Variants in NCKAP5 observed in about 807,000 individuals in gnomAD.
NCKAP5 encodes the protein nck-associated protein 5.
Under a neutral mutation model 167.0 loss-of-function variants are expected in NCKAP5, and 92 were observed. That is an observed-to-expected ratio of 0.55 (90% CI 0.47 to 0.66). The LOEUF (loss-of-function observed/expected upper bound fraction) is 0.66, where lower values mean the gene tolerates loss of function less well. Ranked by LOEUF, NCKAP5 falls within the 30% of genes least tolerant of loss-of-function variation. NCKAP5 has a pLI of 0.00. For missense variants in NCKAP5, 2,378 were observed against 2,315.0 expected (o/e 1.03, Z -0.56); for synonymous variants, 891 against 877.4 (o/e 1.02, Z -0.27).
intron 3 of NCKAP5, among the ~76,000 whole-genome samples, chr2:133,424,935 T>A (rs1689699941): frequency 6.6e-6 from 1 of 152,144 alleles, no homozygotes; most frequent in Admixed American, 6.5e-5. Context: ...ACAAAAAAAA[T>A]GAAAGGCATT....
chr2:133,396,271 G>C (rs1687725417), intron 3 of NCKAP5, among the ~76,000 whole-genome samples: 1 of 152,066 alleles, frequency 6.6e-6, no homozygotes, highest in South Asian at 2.1e-4. Flanking sequence ...AAATCTCAAT[G>C]AACAAAGTGG....
chr2:133,104,254 A>C (rs1224251287), intron 6 of NCKAP5, among the ~76,000 whole-genome samples: 1 of 152,236 alleles, frequency 6.6e-6, no homozygotes, highest in East Asian at 1.9e-4. Context: ...TGTGGCTACA[A>C]ATCAACCAGA....
intron 4 of NCKAP5, among the ~76,000 whole-genome samples, chr2:133,267,009 A>C (rs1252784765): frequency 6.6e-6 from 1 of 150,916 alleles, no homozygotes; most frequent in African/African-American, 2.4e-5. Context: ...TGTCAAATCC[A>C]GCCCATCTGC....
chr2:133,434,019 T>A (rs1300754244), intron 3 of NCKAP5: 1 of 152,188 alleles, frequency 6.6e-6, no homozygotes, highest in Non-Finnish European at 1.5e-5. Flanking sequence ...AAGTTTGGTA[T>A]TATTGTGTAA....
chr2:133,552,639 A>C (rs1687428486), intron 2 of NCKAP5, among the ~76,000 whole-genome samples: 2 of 142,802 alleles, frequency 1.4e-5, no homozygotes, highest in African/African-American at 2.6e-5. Context: ...AGATATACCT[A>C]ATGCTAGATG....
At chr2:132,688,985 C>CAA (rs34015551) in intron 19 of NCKAP5, among the ~76,000 whole-genome samples, 4,779 of 65,778 alleles carry the variant, frequency 0.073, 319 homozygotes, top group East Asian at 0.13. Flanking sequence ...GACACCAACT[C>CAA]AAAAAAAAAA....
chr2:132,895,116 G>A (rs924997448), intron 8 of NCKAP5, among the ~76,000 whole-genome samples: 8 of 152,004 alleles, frequency 5.3e-5, no homozygotes, highest in South Asian at 4.2e-4. Flanking sequence ...CGGATCACAA[G>A]GTCAGGAGAT....
At chr2:132,703,521 G>C (rs1476362208) in intron 19 of NCKAP5, among the ~76,000 whole-genome samples, 1 of 152,154 alleles carries the variant, frequency 6.6e-6, no homozygotes, top group Non-Finnish European at 1.5e-5. Flanking sequence ...ATGAAGATTT[G>C]CTCCCTTTAA....
At chr2:132,991,942 G>C (rs2077460903) in intron 7 of NCKAP5, among the ~76,000 whole-genome samples, 1 of 152,180 alleles carries the variant, frequency 6.6e-6, no homozygotes, top group African/African-American at 2.4e-5. Context: ...TAGAAAAATA[G>C]AATTTGTGAG....
At chr2:133,661,149 G>T in the NCKAP5 span, among the ~76,000 whole-genome samples, 3 of 152,132 alleles carry the variant, frequency 2.0e-5, no homozygotes, top group Non-Finnish European at 4.4e-5. Flanking sequence ...GAGAAATGAC[G>T]AGGATTGATG....
At chr2:132,885,794 T>C (rs948229231) in intron 8 of NCKAP5, among the ~76,000 whole-genome samples, 1 of 152,234 alleles carries the variant, frequency 6.6e-6, no homozygotes, top group Non-Finnish European at 1.5e-5. Context: ...AAGTATGTAT[T>C]ATGTTTAAAA....
At chr2:132,701,837 C>T (rs2105248093) in intron 19 of NCKAP5, among the ~76,000 whole-genome samples, 1 of 152,238 alleles carries the variant, frequency 6.6e-6, no homozygotes, top group South Asian at 2.1e-4. Context: ...CTTTGGTCCT[C>T]AATTTAAAAA....
intron 3 of NCKAP5, among the ~76,000 whole-genome samples, chr2:133,316,093 T>C (rs1301291955): frequency 2.6e-5 from 4 of 152,166 alleles, no homozygotes; most frequent in South Asian, 2.1e-4. Context: ...TGTAGGAGGA[T>C]GTTGCCAGTT....
chr2:132,848,556 G>T (rs1028677970), intron 11 of NCKAP5, among the ~76,000 whole-genome samples: 1 of 152,098 alleles, frequency 6.6e-6, no homozygotes, highest in Non-Finnish European at 1.5e-5. Context: ...TTGAAATTCT[G>T]ATTTCTTCAC....
chr2:132,789,007 T>C (rs1034733321), intron 13 of NCKAP5, among the ~76,000 whole-genome samples: 2 of 152,156 alleles, frequency 1.3e-5, no homozygotes, highest in African/African-American at 4.8e-5. Flanking sequence ...CAGAGCCCTA[T>C]TAAGGATCCA....
chr2:133,321,201 C>T (rs757110039), intron 3 of NCKAP5, among the ~76,000 whole-genome samples: 6 of 152,170 alleles, frequency 3.9e-5, no homozygotes, highest in Non-Finnish European at 8.8e-5. Flanking sequence ...AGATCGGAGC[C>T]TCAAAGATAC....
chr2:133,055,540 G>A (rs1353771119), intron 6 of NCKAP5, among the ~76,000 whole-genome samples: 4 of 149,908 alleles, frequency 2.7e-5, no homozygotes, highest in African/African-American at 9.9e-5. Context: ...ACTAATACCA[G>A]GAAAGAATAA....
Position 132,925,757 on chromosome 2 carries a change from A to G in NCKAP5, c.579+37963T>C, listed in dbSNP as rs148962256. ...GGACCCCTGTTTTGGGGGATAGTTA[A>G]TTCTAGTCTAAAATTCATCTTCAAT... On this transcript the variant is annotated intron_variant, in intron 8 of 19. Coordinates refer to ENST00000409261, the MANE Select transcript of NCKAP5 (RefSeq NM_207363.3). 3.1e-3 allele frequency among the ~76,000 whole-genome samples: 466 copies of G among 152,172 alleles called. 5 individuals carry two copies. The highest frequency in any genetic ancestry group is 0.01 in the African/African-American group (425 of 41,518).
chr2:133,335,283 T>A (rs1683138604), intron 3 of NCKAP5, among the ~76,000 whole-genome samples: 1 of 152,124 alleles, frequency 6.6e-6, no homozygotes, highest in African/African-American at 2.4e-5. Context: ...AGCAAAAAAA[T>A]TGGCTTCAAA....
Sources: gnomAD v4.1 joint callset for allele counts (sites outside exome capture counted in the v4.1 genomes callset) on GRCh38, gnomAD v4.1.1 for gene constraint, MANE v1.5 for transcripts, NCBI Gene and HGNC (gene_info 2026-07-23, HGNC 2026-07-21) for gene names.